The following VDAC1 variants were observed in gnomAD, a reference collection of about 807,000 sequenced individuals.
VDAC1 encodes the protein non-selective voltage-gated ion channel VDAC1.
VDAC1 carries 10 observed loss-of-function variants against 34.7 expected under a neutral mutation model. The ratio of observed to expected loss-of-function variants is 0.29; its 90% CI spans 0.18 to 0.49. The LOEUF (loss-of-function observed/expected upper bound fraction) is 0.49, where lower values mean the gene tolerates loss of function less well. VDAC1 is among the 20% of genes least tolerant of loss of function. The pLI, the probability that VDAC1 is intolerant of heterozygous loss-of-function variation, is 0.99. For synonymous variants in VDAC1, 130 were observed against 136.0 expected, an observed-to-expected ratio of 0.96 and a Z score of 0.30; for missense variants, 230 against 347.9, an observed-to-expected ratio of 0.66 and a Z score of 2.69.
chr5:134,054,487 G>A, the VDAC1 span, among the ~76,000 whole-genome samples: 4 of 117,090 alleles, frequency 3.4e-5, no homozygotes, highest in African/African-American at 1.3e-4. Context: ...TTTTGATGGA[G>A]TCTCGCTCTG....
At chr5:134,092,630 C>T in the VDAC1 span, among the ~76,000 whole-genome samples, 4 of 150,126 alleles carry the variant, frequency 2.7e-5, no homozygotes, top group South Asian at 6.3e-4. Context: ...GAGCTGTGAT[C>T]GTGCCACTGC....
chr5:134,112,654 T>C, the VDAC1 span, among the ~76,000 whole-genome samples: 1 of 151,844 alleles, frequency 6.6e-6, no homozygotes, highest in Non-Finnish European at 1.5e-5. Context: ...TTTCACCAAA[T>C]AAAGACATGA....
At chr5:134,007,431 T>A (rs1753774515), upstream of VDAC1, among the ~76,000 whole-genome samples, 1 of 151,958 alleles carries the variant, frequency 6.6e-6, no homozygotes, top group East Asian at 1.9e-4. Context: ...CAAGTTCCCG[T>A]CTCAAGAAAT....
At chr5:134,071,354 C>A in the VDAC1 span, among the ~76,000 whole-genome samples, 2 of 152,102 alleles carry the variant, frequency 1.3e-5, no homozygotes, top group Non-Finnish European at 2.9e-5. The surrounding 1 kb of genome is among the most constrained non-coding windows in gnomAD (Gnocchi z 4.1). Flanking sequence ...CTTGGAGGCC[C>A]ACAAAGGGAC....
At chr5:134,061,027 C>T in the VDAC1 span, among the ~76,000 whole-genome samples, 1 of 150,834 alleles carries the variant, frequency 6.6e-6, no homozygotes, top group Non-Finnish European at 1.5e-5. Flanking sequence ...CACACACCAC[C>T]ACACCTGACT....
chr5:133,986,968 ATAAATAATTGAT>A (rs1752930343), intron 5 of VDAC1, among the ~76,000 whole-genome samples: 1 of 152,250 alleles, frequency 6.6e-6, no homozygotes, highest in African/African-American at 2.4e-5. Context: ...ACTAATATAA[ATAAATAATTGAT>A]TAAATAAATA....
the VDAC1 span, among the ~76,000 whole-genome samples, chr5:134,086,632 C>A: frequency 6.6e-6 from 1 of 152,226 alleles, no homozygotes; most frequent in Non-Finnish European, 1.5e-5. Flanking sequence ...TCCTTCTGAT[C>A]AATGCCTGGT....
chr5:134,066,037 C>T, the VDAC1 span, among the ~76,000 whole-genome samples: 1 of 152,190 alleles, frequency 6.6e-6, no homozygotes, highest in Non-Finnish European at 1.5e-5. Flanking sequence ...TCATGATCCA[C>T]TTGCCTCAGC....
intron 6 of VDAC1, among the ~76,000 whole-genome samples, chr5:133,979,424 C>CTT (rs71581380): frequency 0.12 from 9,597 of 80,462 alleles, 1,917 homozygotes; most frequent in South Asian, 0.22. Flanking sequence ...ATTTTCTTTG[C>CTT]TTTTTTTTTT....
chr5:134,034,850 G>A, the VDAC1 span, among the ~76,000 whole-genome samples: 1 of 152,092 alleles, frequency 6.6e-6, no homozygotes, highest in Non-Finnish European at 1.5e-5. Context: ...CTGTGGTGTT[G>A]AATTGGAATC....
At chr5:134,096,361 G>T in the VDAC1 span, among the ~76,000 whole-genome samples, 83 of 152,330 alleles carry the variant, frequency 5.4e-4, no homozygotes, top group Middle Eastern at 3.4e-3. Context: ...CTAAAAGATT[G>T]CCTCTGCCCC....
At chr5:134,082,359 A>T in the VDAC1 span, among the ~76,000 whole-genome samples, 1 of 152,202 alleles carries the variant, frequency 6.6e-6, no homozygotes, top group Non-Finnish European at 1.5e-5. Context: ...ATTCAACATA[A>T]TTATTGTGAG....
chr5:134,047,541 G>T, the VDAC1 span, among the ~76,000 whole-genome samples: 10 of 152,254 alleles, frequency 6.6e-5, no homozygotes, highest in Admixed American at 1.3e-4. Flanking sequence ...CCGCACAGAA[G>T]GAAACTGGCA....
At chr5:134,041,500 A>G in the VDAC1 span, among the ~76,000 whole-genome samples, 7 of 152,280 alleles carry the variant, frequency 4.6e-5, no homozygotes, top group East Asian at 1.9e-4. Flanking sequence ...TGCTTATCCA[A>G]TGGTCCCAGG....
At chr5:134,079,944 C>T in the VDAC1 span, among the ~76,000 whole-genome samples, 1 of 152,350 alleles carries the variant, frequency 6.6e-6, no homozygotes, top group South Asian at 2.1e-4. Flanking sequence ...GTACTGGAAG[C>T]TCTGAGTAAT....
the VDAC1 span, among the ~76,000 whole-genome samples, chr5:134,033,369 G>C: frequency 6.6e-6 from 1 of 151,590 alleles, no homozygotes; most frequent in Non-Finnish European, 1.5e-5. Context: ...CGTTGGCCAG[G>C]ATGGTCTCGA....
At chr5:134,081,199 G>A in the VDAC1 span, among the ~76,000 whole-genome samples, 8 of 152,066 alleles carry the variant, frequency 5.3e-5, no homozygotes, top group Admixed American at 4.6e-4. Context: ...CACCAAACAC[G>A]GCTAATTTTT....
the VDAC1 span, among the ~76,000 whole-genome samples, chr5:134,029,764 G>A: frequency 6.6e-6 from 1 of 152,206 alleles, no homozygotes; most frequent in Non-Finnish European, 1.5e-5. Flanking sequence ...GGGATGGTGG[G>A]AAAAGGGCGG....
At chr5:134,078,654 T>TC in the VDAC1 span, among the ~76,000 whole-genome samples, 1 of 118,018 alleles carries the variant, frequency 8.5e-6, no homozygotes, top group East Asian at 2.5e-4. Context: ...CATCTTTTTT[T>TC]TTTTTTTTTT....
Sources: gnomAD v4.1 joint callset for allele counts (sites outside exome capture counted in the v4.1 genomes callset) on GRCh38, gnomAD v4.1.1 for gene constraint, Gnocchi (gnomAD v3.1) non-coding constraint, MANE v1.5 for transcripts, NCBI Gene and HGNC (gene_info 2026-07-23, HGNC 2026-07-21) for gene names.